KIF6: variants seen among roughly 807,000 people sequenced by gnomAD.
KIF6 encodes the protein kinesin-like protein KIF6.
Under a neutral mutation model 112.7 loss-of-function variants are expected in KIF6, and 106 were observed. The observed-to-expected ratio is 0.94, with a 90% confidence interval of 0.80 to 1.11. KIF6 has a LOEUF of 1.11. Among genes scored for constraint, KIF6 ranks in the 50% least tolerant of loss-of-function variants. The pLI, the probability that KIF6 is intolerant of heterozygous loss-of-function variation, is 0.00. For synonymous variants in KIF6, 339 were observed against 339.9 expected, an observed-to-expected ratio of 1.00 and a Z score of 0.03; for missense variants, 929 against 964.0, an observed-to-expected ratio of 0.96 and a Z score of 0.48.
At chr6:39,540,667 C>T (rs1582090297) in intron 12 of KIF6, among the ~76,000 whole-genome samples, 1 of 152,218 alleles carries the variant, frequency 6.6e-6, no homozygotes, top group South Asian at 2.1e-4. Flanking sequence ...GATGGTGAAA[C>T]CCACCCGGCT....
intron 13 of KIF6, among the ~76,000 whole-genome samples, chr6:39,524,398 T>C (rs575113722): frequency 6.6e-6 from 1 of 152,324 alleles, no homozygotes; most frequent in South Asian, 2.1e-4. Flanking sequence ...AATTAGGGAC[T>C]ACGCTGGTAT....
rs1304030856 is a variant in KIF6, at chr6:39,725,314, C to T, written c.-4G>A. 6.2e-7 allele frequency: 1 copy of T among 1,606,820 alleles called. No homozygotes were observed. Among genetic ancestry groups the T allele is most frequent in the East Asian group, 2.3e-5 (1 of 44,008 alleles). On this transcript the variant is annotated 5_prime_UTR_variant, in exon 1 of 23. Coordinates refer to ENST00000287152, the MANE Select transcript of KIF6 (RefSeq NM_145027.6). ...TCTGGATAGTCTGCTTCACCATCTC[C>T]TCCCTGGCTCTGCAATGACCCTTGA...
At position 39,624,988 on chromosome 6, in the gene KIF6, G is replaced by A. The variant is rs529024349; in HGVS notation, c.509+9861C>T. ...TAATTCGGTTTAAATGAGGACATGA[G>A]GGTGGGGTCCCAATCCCATGATGGT... is the stretch of plus-strand genomic sequence containing the variant. On this transcript the variant is annotated intron_variant, in intron 5 of 22. Coordinates refer to ENST00000287152, the MANE Select transcript of KIF6 (RefSeq NM_145027.6). Among the ~76,000 whole-genome samples the A allele has an allele frequency of 9.1e-5, 12 of 131,162 alleles. No individual in the cohort carries two copies. The East Asian group carries it at 1.3e-3, about 14-fold the overall frequency. 86.0% of individuals were successfully genotyped at this position (131,162 alleles called of 152,430 possible).
chr6:39,536,030 A>G (rs1778402848), intron 13 of KIF6, among the ~76,000 whole-genome samples: 2 of 151,922 alleles, frequency 1.3e-5, no homozygotes, highest in Admixed American at 6.6e-5. Context: ...ACAAAGACAC[A>G]ACATACCAGA....
intron 13 of KIF6, among the ~76,000 whole-genome samples, chr6:39,490,164 G>A (rs1193925719): frequency 2.0e-5 from 3 of 152,136 alleles, no homozygotes; most frequent in Admixed American, 2.0e-4. Flanking sequence ...TTCTCCTTTG[G>A]AGAGGCTCCA....
chr6:39,621,227 ACACACG>A (rs199529220), intron 5 of KIF6, among the ~76,000 whole-genome samples: 4,650 of 144,698 alleles, frequency 0.032, 72 homozygotes, highest in African/African-American at 0.039. Flanking sequence ...ACACACACAC[ACACACG>A]TACACATATA....
chr6:39,364,634 T>G (rs1237383225), intron 16 of KIF6, among the ~76,000 whole-genome samples: 1 of 152,234 alleles, frequency 6.6e-6, no homozygotes, highest in African/African-American at 2.4e-5. Context: ...GACCATTTAC[T>G]GGGGACTTTC....
intron 13 of KIF6, among the ~76,000 whole-genome samples, chr6:39,494,389 A>G (rs1051031924): frequency 1.3e-5 from 2 of 152,236 alleles, no homozygotes; most frequent in Non-Finnish European, 2.9e-5. Context: ...TTATTAAACA[A>G]CTGACAGAAA....
intron 10 of KIF6, among the ~76,000 whole-genome samples, chr6:39,569,655 G>A (rs1403973073): frequency 6.6e-6 from 1 of 152,240 alleles, no homozygotes; most frequent in African/African-American, 2.4e-5. Flanking sequence ...TGAAAGCATT[G>A]ATGGGTGTTT....
intron 15 of KIF6, among the ~76,000 whole-genome samples, chr6:39,402,556 C>T (rs1768786810): frequency 6.6e-6 from 1 of 152,118 alleles, no homozygotes. Flanking sequence ...GCTGGCTTGG[C>T]CATAGAAGGG....
rs1005000380 is a variant in KIF6, at chr6:39,332,177, C to T, written c.*4355G>A. 6.6e-6 allele frequency: 1 copy of T among 152,122 alleles called. No individual in the cohort carries two copies. The highest frequency in any genetic ancestry group is 2.4e-5 in the African/African-American group (1 of 41,412). 9.4% of individuals were successfully genotyped at this position (152,122 alleles called of 1,614,324 possible). ...GAACAGGCTGTTCTTGAACTCCTGA[C>T]CTCAGGTGATCCTCCTGCCTCGGCC... On this transcript the variant is annotated 3_prime_UTR_variant, in exon 23 of 23. Transcript: ENST00000287152.
At chr6:39,500,819 G>GAGAAGCAGAGAGGTGGAAGCTCTCTT (rs1049918260) in intron 13 of KIF6, among the ~76,000 whole-genome samples, 1 of 152,086 alleles carries the variant, frequency 6.6e-6, no homozygotes, top group Admixed American at 6.5e-5. Context: ...GAAGCTCTCT[G>GAGAAGCAGAGAGGTGGAAGCTCTCTT]AGAAGCAGAG....
chr6:39,596,035 C>T lies in KIF6; in HGVS notation c.846+19G>A, dbSNP rs747255498. 6.3e-6 allele frequency: 10 copies of T among 1,592,390 alleles called. No individual in the cohort carries two copies. The highest frequency in any genetic ancestry group is 8.6e-6 in the Non-Finnish European group (10 of 1,160,676). ...ATGGTAGCTATAGTTATTAATACAT[C>T]CCACTCTGCCCATTTTACCTGTTCT... On this transcript the variant is annotated intron_variant, in intron 7 of 22. Transcript: ENST00000287152.
At chr6:39,421,970 G>A (rs1581817239) in intron 14 of KIF6, among the ~76,000 whole-genome samples, 2 of 152,196 alleles carry the variant, frequency 1.3e-5, no homozygotes, top group East Asian at 3.9e-4. Flanking sequence ...GAGGGCCTAT[G>A]ATCATTTCAT....
intron 13 of KIF6, among the ~76,000 whole-genome samples, chr6:39,498,756 G>T (rs1199807892): frequency 6.6e-6 from 1 of 152,106 alleles, no homozygotes; most frequent in African/African-American, 2.4e-5. Flanking sequence ...TATAGAGGAA[G>T]AGGAGATGAT....
chr6:39,337,234 T>TCTTTCTTTCTTTCTTTCTTTC (rs1763072345), intron 22 of KIF6, among the ~76,000 whole-genome samples: 1 of 112,976 alleles, frequency 8.9e-6, no homozygotes, highest in South Asian at 2.7e-4. Flanking sequence ...TTTCTTTCTT[T>TCTTTCTTTCTTTCTTTCTTTC]CTTTTTCTTT....
intron 13 of KIF6, among the ~76,000 whole-genome samples, chr6:39,498,217 T>C (rs946791828): frequency 2.0e-5 from 3 of 152,218 alleles, no homozygotes; most frequent in African/African-American, 7.2e-5. Flanking sequence ...ATGATTCAGA[T>C]GCAGCTGAGC....
chr6:39,523,695 T>C (rs1178776438), intron 13 of KIF6, among the ~76,000 whole-genome samples: 4 of 98,978 alleles, frequency 4.0e-5, no homozygotes, highest in Non-Finnish European at 7.9e-5. Context: ...TATATATATA[T>C]ATGATTACTC....
At chr6:39,390,535 G>C (rs150742377) in intron 15 of KIF6, among the ~76,000 whole-genome samples, 1 of 152,272 alleles carries the variant, frequency 6.6e-6, no homozygotes, top group Admixed American at 6.5e-5. Context: ...TTGGGACAGG[G>C]GCGGCAAGGG....
Sources: gnomAD v4.1 joint callset for allele counts (sites outside exome capture counted in the v4.1 genomes callset) on GRCh38, gnomAD v4.1.1 for gene constraint, MANE v1.5 for transcripts, NCBI Gene and HGNC (gene_info 2026-07-23, HGNC 2026-07-21) for gene names.